Variants in CYP11A1 observed in about 807,000 individuals in gnomAD.
CYP11A1 encodes cholesterol side-chain cleavage enzyme, mitochondrial.
In CYP11A1, 25 loss-of-function variants were observed where a neutral mutation model predicts 51.9. That is an observed-to-expected ratio of 0.48 (90% confidence interval 0.35 to 0.67). The LOEUF is 0.67. Among genes scored for constraint, CYP11A1 ranks in the 30% least tolerant of loss-of-function variants. The pLI, the probability that CYP11A1 is intolerant of heterozygous loss-of-function variation, is 0.00. For synonymous variants in CYP11A1, 245 were observed against 262.1 expected (o/e 0.93, Z 0.63); for missense variants, 578 against 680.9 (o/e 0.85, Z 1.68).
At chr15:74,343,682 T>C (rs2060618770) in intron 4 of CYP11A1, 107 bp downstream of exon 4, 1 of 1,016,082 alleles carries the variant, frequency 9.8e-7, no homozygotes, top group Admixed American at 1.7e-5. Flanking sequence ...CGCCACAGTG[T>C]GGGTTTCCTA....
chr15:74,338,826 A>G, intron 7 of CYP11A1, 58 bp from the exon 8 acceptor site: 1 of 1,514,650 alleles, frequency 6.6e-7, no homozygotes, highest in Non-Finnish European at 9.1e-7. Context: ...CCCTGAGCAC[A>G]AAACCCCCTT....
At chr15:74,339,536 G>T in intron 6 of CYP11A1, 51 bp downstream of exon 6, 1 of 1,600,698 alleles carries the variant, frequency 6.2e-7, no homozygotes, top group Non-Finnish European at 8.5e-7. Context: ...CACTTCCCTG[G>T]CCCTGCCCAG....
intron 1 of CYP11A1, chr15:74,366,747 A>T (rs2060735371): frequency 6.6e-6 from 1 of 150,938 alleles, no homozygotes; most frequent in Non-Finnish European, 1.5e-5. Flanking sequence ...ACAGAATCTC[A>T]CTCTGTCGCC....
intron 5 of CYP11A1, 57 bp downstream of exon 5, chr15:74,342,920 G>T: frequency 1.3e-6 from 2 of 1,581,862 alleles, no homozygotes; most frequent in Non-Finnish European, 1.7e-6. Context: ...GGGCCTGGTG[G>T]GGAAGGGGCA....
intron 5 of CYP11A1, among the ~76,000 whole-genome samples, chr15:74,340,253 G>C (rs2060600405): frequency 6.6e-6 from 1 of 152,240 alleles, no homozygotes; most frequent in South Asian, 2.1e-4. Flanking sequence ...GCTGAAACCA[G>C]ACCAGCCGGA....
chr15:74,354,556 G>A (rs567674543), intron 1 of CYP11A1: 86 of 153,054 alleles, frequency 5.6e-4, no homozygotes, highest in Non-Finnish European at 7.8e-4. Flanking sequence ...GCCATGACTC[G>A]GATCAGGGGA....
Position 74,345,080 on chromosome 15 carries a change from C to T in CYP11A1, c.589G>A (p.Asp197Asn), listed in dbSNP as rs886051480. Residue 197 changes from aspartate (D) to asparagine (N), a missense_variant, in exon 3 of 9, where the codon GAC (aspartate) becomes AAC (asparagine). Coordinates refer to ENST00000268053, the MANE Select transcript of CYP11A1 (RefSeq NM_000781.3). The surrounding 1 kb of genome is among the most constrained non-coding windows in gnomAD (Gnocchi z 4.3). ...KKAGSGNYSG[D>N]ISDDLFRFAF... The stretch of plus-strand genomic sequence containing the variant: ...AAGCGGAACAGGTCATCACTGATGT[C>T]CCCCGAGTAATTTCCGGAGCCCGCC... The T allele has an allele frequency of 5.0e-6, 8 of 1,613,944 alleles. No homozygotes were observed. Among genetic ancestry groups the T allele is most frequent in the Admixed American group, 1.7e-5 (1 of 59,998 alleles).
intron 3 of CYP11A1, 113 bp from the exon 4 acceptor site, chr15:74,344,105 C>G (rs537591409): frequency 1.2e-6 from 1 of 825,376 alleles, no homozygotes; most frequent in South Asian, 1.5e-5. Context: ...TCTCTTGCCC[C>G]TACCCTCAGC....
chr15:74,339,913 C>G (rs1428212720), intron 5 of CYP11A1, among the ~76,000 whole-genome samples, 160 bp from the exon 6 acceptor site: 1 of 152,216 alleles, frequency 6.6e-6, no homozygotes, highest in Admixed American at 6.5e-5. Flanking sequence ...AAAACACATT[C>G]CATTGTCTAA....
At chr15:74,353,116 G>T (rs906549934) in intron 1 of CYP11A1, among the ~76,000 whole-genome samples, 1 of 152,126 alleles carries the variant, frequency 6.6e-6, no homozygotes, top group Non-Finnish European at 1.5e-5. Context: ...TATACAAAAA[G>T]TGCCTGAAAG....
Position 74,345,721 on chromosome 15 carries a change from C to T in CYP11A1, c.426-478G>A, listed in dbSNP as rs931707392. On this transcript the variant is annotated intron_variant, in intron 2 of 8. Coordinates refer to ENST00000268053, the MANE Select transcript of CYP11A1 (RefSeq NM_000781.3). This position sits in a 1 kb window ranked among gnomAD's most constrained non-coding sequence, Gnocchi z 4.3. ...CACCCCCAACACGTCCCATTACTCA[C>T]TTCTGTCGGGGGACCTCAGGTGCCC... Among the ~76,000 whole-genome samples the T allele has an allele frequency of 2.0e-5, 3 of 152,204 alleles. No individual in the cohort carries two copies. Among genetic ancestry groups the T allele is most frequent in the Admixed American group, 2.0e-4 (3 of 15,282 alleles).
intron 1 of CYP11A1, chr15:74,363,044 AGCAATG>A (rs1470375097): frequency 1.3e-5 from 2 of 152,254 alleles, no homozygotes; most frequent in African/African-American, 4.8e-5. Context: ...AAGTAAAAGA[AGCAATG>A]ATTAGAAATG....
intron 7 of CYP11A1, 23 bp from the exon 8 acceptor site, chr15:74,338,791 C>T (rs1213962405): frequency 6.2e-7 from 1 of 1,610,082 alleles, no homozygotes; most frequent in Non-Finnish European, 8.5e-7. Flanking sequence ...GATCAGAGGC[C>T]TGAGTAAGCC....
At chr15:74,367,296 C>G (rs774969756) in intron 1 of CYP11A1, 21 bp downstream of exon 1, 1 of 1,614,112 alleles carries the variant, frequency 6.2e-7, no homozygotes, top group South Asian at 1.1e-5. Context: ...CCCTTCGGCT[C>G]CCACCCTCTG....
intron 1 of CYP11A1, among the ~76,000 whole-genome samples, chr15:74,348,639 TA>T (rs2060642638): frequency 3.9e-5 from 6 of 152,186 alleles, no homozygotes; most frequent in Non-Finnish European, 8.8e-5. Flanking sequence ...TCTATTAAAA[TA>T]AAACTTCAGT....
rs1195971937 is a variant in CYP11A1 at position 74,339,848 on chromosome 15, A to C, written c.991-95T>G. On this transcript the variant is annotated intron_variant, in intron 5 of 8. Coordinates refer to ENST00000268053, the MANE Select transcript of CYP11A1 (RefSeq NM_000781.3). ...CCCATGGTAAATTTTCATTTCCAAG[A>C]ACCTCTTTCTCCCCGAACCCCATCC... The C allele has an allele frequency of 3.2e-6, 4 of 1,235,884 alleles. No homozygotes were observed. In the Admixed American group the frequency reaches 7.3e-5, roughly 23 times the overall value. The allele number at this position is 1,235,884 out of a possible 1,614,324, so 76.6% of individuals were successfully genotyped here.
At chr15:74,342,868 A>G (rs963917664) in intron 5 of CYP11A1, 109 bp downstream of exon 5, 2 of 1,124,348 alleles carry the variant, frequency 1.8e-6, no homozygotes, top group Non-Finnish European at 2.7e-6. Context: ...CATATCCTAC[A>G]TGAGTAGGAA....
At chr15:74,347,381 C>T (rs1402685207) in intron 2 of CYP11A1, among the ~76,000 whole-genome samples, 1 of 152,132 alleles carries the variant, frequency 6.6e-6, no homozygotes, top group African/African-American at 2.4e-5. Flanking sequence ...GCACTCCAGC[C>T]TGGATGACAC....
At chr15:74,349,415 T>C (rs1439154034) in intron 1 of CYP11A1, among the ~76,000 whole-genome samples, 1 of 152,186 alleles carries the variant, frequency 6.6e-6, no homozygotes, top group African/African-American at 2.4e-5. Flanking sequence ...TCTCCTCTCA[T>C]AGTGCTGCTT....
Sources: allele counts gnomAD v4.1 joint callset (sites outside exome capture counted in the v4.1 genomes callset), GRCh38; gene constraint gnomAD v4.1.1; non-coding constraint Gnocchi (gnomAD v3.1); transcripts MANE v1.5; gene names NCBI Gene and HGNC (gene_info 2026-07-23, HGNC 2026-07-21).